Variants in SEMA6D observed in about 807,000 individuals in gnomAD.
SEMA6D encodes semaphorin-6D.
Under a neutral mutation model 106.6 loss-of-function variants are expected in SEMA6D, and 35 were observed. That is an observed-to-expected ratio of 0.33 (90% CI 0.25 to 0.44). The LOEUF (loss-of-function observed/expected upper bound fraction) is 0.44. Ranked by LOEUF, SEMA6D falls within the 20% of genes least tolerant of loss-of-function variation. The pLI is 1.00. For missense variants in SEMA6D, 1,185 were observed against 1,345.9 expected, an observed-to-expected ratio of 0.88 and a Z score of 1.87; for synonymous variants, 499 against 487.7, an observed-to-expected ratio of 1.02 and a Z score of -0.31.
At chr15:47,336,238 A>G (rs572389947) in intron 1 of SEMA6D, among the ~76,000 whole-genome samples, 1 of 152,300 alleles carries the variant, frequency 6.6e-6, no homozygotes, top group South Asian at 2.1e-4. Context: ...GTGGGAATGG[A>G]CATGGTAACT....
At chr15:47,402,234 A>G (rs1178754053) in intron 1 of SEMA6D, among the ~76,000 whole-genome samples, 1 of 152,226 alleles carries the variant, frequency 6.6e-6, no homozygotes, top group Non-Finnish European at 1.5e-5. Flanking sequence ...TATGCTGGGC[A>G]GCACAGTTCT....
intron 3 of SEMA6D, among the ~76,000 whole-genome samples, chr15:47,531,222 A>G (rs1331353627): frequency 2.6e-5 from 4 of 152,212 alleles, no homozygotes; most frequent in South Asian, 2.1e-4. Context: ...TCAATTTGCT[A>G]TAAATACACA....
intron 2 of SEMA6D, among the ~76,000 whole-genome samples, chr15:47,437,494 A>C (rs899275129): frequency 1.3e-5 from 2 of 152,136 alleles, no homozygotes; most frequent in Non-Finnish European, 2.9e-5. Context: ...TCCTCAGAAC[A>C]CTTGCCTACA....
chr15:47,714,079 G>A (rs1338712929), upstream of SEMA6D, among the ~76,000 whole-genome samples: 2 of 152,142 alleles, frequency 1.3e-5, no homozygotes, highest in East Asian at 3.8e-4. Flanking sequence ...CTGTTTTCCA[G>A]ATGAGAAGAC....
intron 17 of SEMA6D, among the ~76,000 whole-genome samples, chr15:47,767,930 G>T (rs2082430371): frequency 6.8e-6 from 1 of 147,754 alleles, no homozygotes; most frequent in South Asian, 2.1e-4. Flanking sequence ...CATTGCCTTT[G>T]CATTAGGTTC....
intron 4 of SEMA6D, among the ~76,000 whole-genome samples, chr15:47,707,291 G>A (rs1456569919): frequency 6.6e-6 from 1 of 151,986 alleles, no homozygotes; most frequent in East Asian, 1.9e-4. Flanking sequence ...TACATGGAGT[G>A]GTAATGGTTA....
At chr15:47,398,352 G>T (rs111794500) in intron 1 of SEMA6D, among the ~76,000 whole-genome samples, 1 of 152,292 alleles carries the variant, frequency 6.6e-6, no homozygotes, top group African/African-American at 2.4e-5. Flanking sequence ...TATCAAATAA[G>T]ATACCCTTTT....
chr15:47,323,665 C>T (rs190696473), intron 1 of SEMA6D, among the ~76,000 whole-genome samples: 14 of 152,170 alleles, frequency 9.2e-5, no homozygotes, highest in Middle Eastern at 3.4e-3. Context: ...GGCTTGAAGG[C>T]GGAGTTTCAC....
chr15:47,386,959 T>G lies in SEMA6D; in HGVS notation c.-238-25434T>G, dbSNP rs147894696. Among the ~76,000 whole-genome samples the G allele has an allele frequency of 3.5e-3, 533 of 152,342 alleles. 3 individuals carry two copies. Among genetic ancestry groups the G allele is most frequent in the Non-Finnish European group, 4.1e-3 (282 of 68,034 alleles). ...GATGCAGTGGCAACGACGCTGCCCC[T>G]GCAAACACTGTCATTGTGGGTGTTG... On this transcript the variant is annotated intron_variant, in intron 1 of 19. Transcript: ENST00000558014.
chr15:47,641,914 G>A (rs2077495639), intron 4 of SEMA6D, among the ~76,000 whole-genome samples: 1 of 152,156 alleles, frequency 6.6e-6, no homozygotes, highest in African/African-American at 2.4e-5. Flanking sequence ...CTCTCTGGAT[G>A]TGCCCTGTTG....
chr15:47,276,079 A>G (rs763751946), intron 1 of SEMA6D, among the ~76,000 whole-genome samples: 4 of 152,296 alleles, frequency 2.6e-5, no homozygotes, highest in South Asian at 4.1e-4. Flanking sequence ...CTTTGATTCT[A>G]TGAAGGCTGA....
chr15:47,771,746 A>G lies in SEMA6D; in HGVS notation c.3183A>G (p.Gln1061=). ...CACCAAAGCCTTCCTTTGTTCCTCA[A>G]ACCCCATCTGTCAGACCACTGAACA... ...DVPPKPSFVP[Q]TPSVRPLNKY... The change falls in exon 19 of 19, where the codon CAA becomes CAG. Residue 1061 remains glutamine, a synonymous_variant. Transcript: ENST00000536845. The G allele has an allele frequency of 6.2e-7, 1 of 1,613,924 alleles. No individual in the cohort carries two copies. Among genetic ancestry groups the G allele is most frequent in the Non-Finnish European group, 8.5e-7 (1 of 1,179,896 alleles).
At chr15:47,665,954 T>A (rs893053298) in intron 4 of SEMA6D, among the ~76,000 whole-genome samples, 1 of 152,218 alleles carries the variant, frequency 6.6e-6, no homozygotes, top group Non-Finnish European at 1.5e-5. Flanking sequence ...GACAAGAGTA[T>A]TGAGAATAAA....
Position 47,770,872 on chromosome 15 carries a change from C to T in SEMA6D, c.2309C>T (p.Ala770Val), listed in dbSNP as rs1405721017. 6.2e-7 allele frequency: 1 copy of T among 1,613,598 alleles called. No homozygotes were observed. Among genetic ancestry groups the T allele is most frequent in the Admixed American group, 1.7e-5 (1 of 59,956 alleles). The change falls in exon 19 of 19, where the codon GCT becomes GTT. Residue 770 changes from alanine (A) to valine (V), a missense_variant. This residue lies in a region of SEMA6D where 750 missense variants were observed against 783.5 expected (regional missense o/e 0.96). Transcript: ENST00000536845. ...DHRGQPPELA[A>V]LPTPESTPVL... ...CGAGGGCAACCTCCAGAGTTGGCTG[C>T]TCTTCCTACTCCTGAGTCTACACCC...
chr15:47,292,126 C>T (rs78547587), intron 1 of SEMA6D, among the ~76,000 whole-genome samples: 3,389 of 152,304 alleles, frequency 0.022, 119 homozygotes, highest in African/African-American at 0.077. Context: ...AGAATATGCA[C>T]TGTTTCTGTG....
chr15:47,408,586 T>C (rs895932832), intron 1 of SEMA6D, among the ~76,000 whole-genome samples: 20 of 152,196 alleles, frequency 1.3e-4, no homozygotes, highest in African/African-American at 3.6e-4. Context: ...GCTATGTATA[T>C]TCTAAGGTAT....
At chr15:47,250,175 G>T (rs758717887) in intron 1 of SEMA6D, among the ~76,000 whole-genome samples, 119 of 152,096 alleles carry the variant, frequency 7.8e-4, no homozygotes, top group Non-Finnish European at 1.3e-3. Flanking sequence ...ACACAGGAAT[G>T]ATTGTCTATA....
intron 4 of SEMA6D, among the ~76,000 whole-genome samples, chr15:47,707,522 C>G (rs984632801): frequency 6.6e-6 from 1 of 152,180 alleles, no homozygotes; most frequent in Non-Finnish European, 1.5e-5. Context: ...GTCTGCATTT[C>G]CTATGTTTGC....
chr15:47,759,575 T>C (rs1270518814), intron 1 of SEMA6D, 170 bp from the exon 2 acceptor site: 1 of 568,652 alleles, frequency 1.8e-6, no homozygotes. Flanking sequence ...AGGCCTGGCA[T>C]GTTGCCATCT....
Sources: gnomAD v4.1 joint callset for allele counts (sites outside exome capture counted in the v4.1 genomes callset) on GRCh38, gnomAD v4.1.1 for gene constraint, gnomAD v4.1.1 regional missense constraint, MANE v1.5 for transcripts, NCBI Gene and HGNC (gene_info 2026-07-23, HGNC 2026-07-21) for gene names.